The following GSK3B variants were observed in gnomAD, a reference collection of about 807,000 sequenced individuals.
GSK3B encodes glycogen synthase kinase 3 beta.
GSK3B carries 15 observed loss-of-function variants against 56.4 expected under a neutral mutation model. That is an observed-to-expected ratio of 0.27 (90% confidence interval 0.18 to 0.41). The LOEUF (loss-of-function observed/expected upper bound fraction) is 0.41, where lower values mean the gene tolerates loss of function less well. Among genes scored for constraint, GSK3B ranks in the 10% least tolerant of loss-of-function variants. The pLI is 1.00. For synonymous variants in GSK3B, 181 were observed against 188.9 expected (o/e 0.96, Z 0.34); for missense variants, 300 against 513.4 (o/e 0.58, Z 4.02).
chr3:120,077,332 A>G (rs932934736), intron 1 of GSK3B, among the ~76,000 whole-genome samples: 2 of 152,098 alleles, frequency 1.3e-5, no homozygotes, highest in African/African-American at 2.4e-5. Context: ...GTGTGTGTGT[A>G]CACACACATA....
At chr3:120,069,610 G>C (rs1365090912) in intron 1 of GSK3B, among the ~76,000 whole-genome samples, 1 of 150,854 alleles carries the variant, frequency 6.6e-6, no homozygotes, top group Non-Finnish European at 1.5e-5. Context: ...AATACCTAAC[G>C]GTCAATACAA....
At chr3:119,984,902 G>C (rs996226333) in intron 2 of GSK3B, among the ~76,000 whole-genome samples, 1 of 152,126 alleles carries the variant, frequency 6.6e-6, no homozygotes, top group Non-Finnish European at 1.5e-5. Context: ...GAGAATTTTA[G>C]ACCAATATCC....
chr3:120,090,988 T>C (rs963297542), intron 1 of GSK3B, among the ~76,000 whole-genome samples: 1 of 152,152 alleles, frequency 6.6e-6, no homozygotes, highest in Admixed American at 6.5e-5. Flanking sequence ...AGACCTTTCA[T>C]GCTTTTCTAC....
rs865914219 is a variant in GSK3B, at chr3:119,823,583, T to C, written c.*3205A>G. On this transcript the variant is annotated 3_prime_UTR_variant, in exon 11 of 11. Transcript: ENST00000264235. ...TTTTAAGACCCATGGTTAGGGCTTG[T>C]GGAAGAGACGAGCAAAATTTAATCT... 2 of 185,440 alleles carry C rather than the reference T, an allele frequency of 1.1e-5. No individual in the cohort carries two copies. The highest frequency in any genetic ancestry group is 1.9e-3 in the Middle Eastern group (1 of 520). The allele number at this position is 185,440 out of a possible 1,614,324, so 11.5% of individuals were successfully genotyped here. A position where few individuals can be genotyped will look rare whatever the true frequency, so the allele number is the denominator to read the frequency against.
intron 9 of GSK3B, 86 bp from the exon 10 acceptor site, chr3:119,843,439 T>A (rs539987323): frequency 6.9e-6 from 5 of 727,330 alleles, no homozygotes; most frequent in Non-Finnish European, 1.1e-5. Context: ...AAAATAAGAT[T>A]CTGCATTAAA....
intron 6 of GSK3B, among the ~76,000 whole-genome samples, chr3:119,911,209 C>T (rs1202253318): frequency 6.6e-6 from 1 of 152,154 alleles, no homozygotes; most frequent in Admixed American, 6.5e-5. Flanking sequence ...ATTTCTCAAC[C>T]TTTGGGTGAC....
intron 1 of GSK3B, among the ~76,000 whole-genome samples, chr3:120,078,509 C>G (rs1289810997): frequency 6.6e-6 from 1 of 151,580 alleles, no homozygotes; most frequent in Non-Finnish European, 1.5e-5. Context: ...CAATGTAGAG[C>G]AGAAATATCA....
intron 1 of GSK3B, among the ~76,000 whole-genome samples, chr3:120,048,844 C>T (rs1276050281): frequency 6.6e-6 from 1 of 152,184 alleles, no homozygotes; most frequent in Non-Finnish European, 1.5e-5. Flanking sequence ...TATGTTAATA[C>T]ATCAACTTAG....
chr3:119,879,550 T>C (rs2056356028), intron 7 of GSK3B, among the ~76,000 whole-genome samples: 2 of 152,288 alleles, frequency 1.3e-5, no homozygotes, highest in South Asian at 4.1e-4. Context: ...TAAATTATTA[T>C]TGAGTATAGT....
At chr3:120,084,851 CTAATT>C (rs1362176449) in intron 1 of GSK3B, among the ~76,000 whole-genome samples, 2 of 152,168 alleles carry the variant, frequency 1.3e-5, no homozygotes, top group African/African-American at 2.4e-5. Flanking sequence ...TAAGTATTTA[CTAATT>C]TAATAGGTTA....
intron 4 of GSK3B, among the ~76,000 whole-genome samples, chr3:119,918,864 GT>G (rs1231180912): frequency 6.6e-6 from 1 of 152,148 alleles, no homozygotes; most frequent in East Asian, 1.9e-4. Context: ...TGAACAGTTA[GT>G]TATATTTAAC....
At chr3:119,983,112 A>G (rs1367814776) in intron 2 of GSK3B, among the ~76,000 whole-genome samples, 2 of 152,212 alleles carry the variant, frequency 1.3e-5, no homozygotes, top group African/African-American at 2.4e-5. Context: ...ACTAAGCTTC[A>G]TAAGTGAAGG....
intron 2 of GSK3B, among the ~76,000 whole-genome samples, chr3:119,962,564 A>G (rs2057282483): frequency 6.6e-6 from 1 of 151,980 alleles, no homozygotes; most frequent in African/African-American, 2.4e-5. Flanking sequence ...AAAAGAAATA[A>G]AAGGCATCTA....
At chr3:120,008,469 C>G (rs1388843595) in intron 1 of GSK3B, among the ~76,000 whole-genome samples, 1 of 152,164 alleles carries the variant, frequency 6.6e-6, no homozygotes. Flanking sequence ...TACTACAAGG[C>G]TACAGTAATC....
chr3:119,933,918 C>T (rs958785681), intron 3 of GSK3B, among the ~76,000 whole-genome samples: 3 of 151,880 alleles, frequency 2.0e-5, no homozygotes, highest in South Asian at 2.1e-4. Context: ...AAAAAACAAA[C>T]AAGAAGCACA....
At chr3:119,936,590 C>T (rs2056997438) in intron 3 of GSK3B, among the ~76,000 whole-genome samples, 1 of 151,538 alleles carries the variant, frequency 6.6e-6, no homozygotes, top group South Asian at 2.1e-4. Flanking sequence ...TCAGGTGATC[C>T]ACCTGCCTTG....
chr3:120,037,619 G>A (rs1362843898), intron 1 of GSK3B, among the ~76,000 whole-genome samples: 5 of 151,000 alleles, frequency 3.3e-5, no homozygotes, highest in African/African-American at 1.2e-4. Flanking sequence ...AAAAAAAGAA[G>A]TAAATAAAAA....
At chr3:120,027,379 G>GAAAAA (rs199837392) in intron 1 of GSK3B, among the ~76,000 whole-genome samples, 1 of 112,482 alleles carries the variant, frequency 8.9e-6, no homozygotes, top group African/African-American at 3.3e-5. Context: ...TCTGTCTCAG[G>GAAAAA]AAAAAAAAAA....
chr3:119,977,425 C>A (rs1410348194), intron 2 of GSK3B, among the ~76,000 whole-genome samples: 1 of 152,148 alleles, frequency 6.6e-6, no homozygotes, highest in Non-Finnish European at 1.5e-5. Context: ...GAGACCTTTT[C>A]CCAGGAAAAA....
Sources: allele counts gnomAD v4.1 joint callset (sites outside exome capture counted in the v4.1 genomes callset), GRCh38; gene constraint gnomAD v4.1.1; transcripts MANE v1.5; gene names NCBI Gene and HGNC (gene_info 2026-07-23, HGNC 2026-07-21).